Variants in CCDC7 observed in about 807,000 individuals in gnomAD.
The protein encoded by CCDC7 is coiled-coil domain containing 7.
In CCDC7, 183 loss-of-function variants were observed where a neutral mutation model predicts 196.9. The observed-to-expected ratio is 0.93, with a 90% CI of 0.82 to 1.05. The LOEUF (loss-of-function observed/expected upper bound fraction) is 1.05, where lower values mean the gene tolerates loss of function less well. CCDC7 is among the 50% of genes least tolerant of loss of function. The pLI is 0.00. For missense variants in CCDC7, 1,540 were observed against 1,482.2 expected, an observed-to-expected ratio of 1.04 and a Z score of -0.64; for synonymous variants, 525 against 484.6, an observed-to-expected ratio of 1.08 and a Z score of -1.10.
intron 8 of CCDC7, among the ~76,000 whole-genome samples, chr10:32,487,548 G>C (rs537091324): frequency 4.1e-4 from 62 of 152,326 alleles, no homozygotes; most frequent in African/African-American, 1.5e-3. Context: ...TCCTTTGGAG[G>C]AGGAGAGGCA....
chr10:32,769,779 G>T (rs2078890637), intron 28 of CCDC7, among the ~76,000 whole-genome samples: 1 of 152,088 alleles, frequency 6.6e-6, no homozygotes, highest in Non-Finnish European at 1.5e-5. Flanking sequence ...GTGGTTTCCA[G>T]CTTTATCCAT....
At chr10:32,525,250 AAAAAG>A (rs1201811248) in intron 11 of CCDC7, among the ~76,000 whole-genome samples, 1 of 152,164 alleles carries the variant, frequency 6.6e-6, no homozygotes, top group African/African-American at 2.4e-5. Flanking sequence ...ATAATAAAAA[AAAAAG>A]AAAAGAAAAA....
chr10:32,861,115 C>A (rs1421661138), intron 41 of CCDC7, among the ~76,000 whole-genome samples: 97 of 97,036 alleles, frequency 1.0e-3, no homozygotes, highest in East Asian at 1.8e-3. Flanking sequence ...CAATCATAAG[C>A]AAAAAAAAAA....
intron 24 of CCDC7, among the ~76,000 whole-genome samples, chr10:32,697,758 A>G (rs2077968311): frequency 6.6e-6 from 1 of 152,226 alleles, no homozygotes; most frequent in Non-Finnish European, 1.5e-5. Flanking sequence ...GCATAGCTGA[A>G]CAAAAGGCAG....
chr10:32,574,596 A>G, intron 16 of CCDC7: 1 of 793,716 alleles, frequency 1.3e-6, no homozygotes. Flanking sequence ...TTAGGGAATG[A>G]GTTAGTGGTA....
At chr10:32,855,334 AG>A (rs2093709477) in intron 41 of CCDC7, among the ~76,000 whole-genome samples, 2 of 152,124 alleles carry the variant, frequency 1.3e-5, no homozygotes, top group African/African-American at 4.8e-5. Flanking sequence ...AGGATGATTC[AG>A]GCGCATTACA....
intron 11 of CCDC7, among the ~76,000 whole-genome samples, chr10:32,542,859 A>T (rs1433109277): frequency 6.6e-6 from 1 of 152,106 alleles, no homozygotes; most frequent in Non-Finnish European, 1.5e-5. Flanking sequence ...CATGGTATTT[A>T]TGTATTCTTA....
intron 29 of CCDC7, among the ~76,000 whole-genome samples, chr10:32,791,367 C>G (rs968730788): frequency 1.3e-5 from 2 of 151,894 alleles, no homozygotes; most frequent in Non-Finnish European, 2.9e-5. Flanking sequence ...TAAAGGAACA[C>G]AGTAACTGAC....
intron 20 of CCDC7, among the ~76,000 whole-genome samples, chr10:32,649,854 C>G (rs2068424668): frequency 6.6e-6 from 1 of 152,190 alleles, no homozygotes; most frequent in Non-Finnish European, 1.5e-5. Flanking sequence ...AGCTTTTCAG[C>G]TCAGGAAGTT....
At chr10:32,492,184 T>G (rs552274341) in intron 9 of CCDC7, among the ~76,000 whole-genome samples, 187 bp downstream of exon 10, 15 of 152,288 alleles carry the variant, frequency 9.8e-5, no homozygotes, top group African/African-American at 3.4e-4. Flanking sequence ...ATATCAATTT[T>G]TATGATTTTA....
rs1023818946 is a variant in CCDC7 at position 32,840,500 on chromosome 10, A to G, written c.3353-4743A>G. 3.3e-5 allele frequency among the ~76,000 whole-genome samples: 5 copies of G among 151,962 alleles called. No individual in the cohort carries two copies. The East Asian group carries it at 5.8e-4, about 18-fold the overall frequency. ...ACCAATAACAAGCAGCAAGATTGAAATGGTAATTTAAAAATTGCCAACAAC... is the reference window on the plus strand; with the variant it reads ...ACCAATAACAAGCAGCAAGATTGAAGTGGTAATTTAAAAATTGCCAACAAC... On this transcript the variant is annotated intron_variant, in intron 33 of 41. Transcript: ENST00000639629.
chr10:32,479,474 A>C (rs1285927472), intron 8 of CCDC7, among the ~76,000 whole-genome samples: 1 of 152,048 alleles, frequency 6.6e-6, no homozygotes, highest in Non-Finnish European at 1.5e-5. Context: ...CTATCATATG[A>C]TTTTTGTATT....
chr10:32,813,874 A>G (rs1434193408), intron 30 of CCDC7, among the ~76,000 whole-genome samples: 3 of 152,220 alleles, frequency 2.0e-5, no homozygotes, highest in Non-Finnish European at 4.4e-5. Flanking sequence ...ATAATTGTTA[A>G]CATCCTTTCC....
intron 25 of CCDC7, among the ~76,000 whole-genome samples, chr10:32,718,761 C>T (rs112008118): frequency 3.3e-5 from 5 of 152,226 alleles, no homozygotes; most frequent in African/African-American, 1.2e-4. Context: ...CATGAGTGAA[C>T]TCCCATTCAC....
intron 11 of CCDC7, among the ~76,000 whole-genome samples, chr10:32,538,759 A>G (rs2050916860): frequency 6.6e-6 from 1 of 151,950 alleles, no homozygotes; most frequent in Non-Finnish European, 1.5e-5. Flanking sequence ...TTTGGTTTTT[A>G]GTTTTATTTA....
chr10:32,621,427 C>T (rs568295369), intron 18 of CCDC7, among the ~76,000 whole-genome samples: 1 of 152,160 alleles, frequency 6.6e-6, no homozygotes, highest in Non-Finnish European at 1.5e-5. Context: ...ATTAGTCAGG[C>T]TTTCCCCCAG....
intron 18 of CCDC7, among the ~76,000 whole-genome samples, chr10:32,608,459 C>T (rs916465479): frequency 1.3e-5 from 2 of 151,976 alleles, no homozygotes; most frequent in African/African-American, 4.8e-5. Context: ...CCTCTTAGTA[C>T]TGCTTTTGTT....
At chr10:32,529,998 AT>A (rs1237262006) in intron 11 of CCDC7, among the ~76,000 whole-genome samples, 2 of 152,140 alleles carry the variant, frequency 1.3e-5, no homozygotes, top group African/African-American at 4.8e-5. Context: ...AGGCTTGCCA[AT>A]TATCCCAGCA....
At chr10:32,524,382 G>A (rs986895759) in intron 11 of CCDC7, among the ~76,000 whole-genome samples, 8 of 152,076 alleles carry the variant, frequency 5.3e-5, no homozygotes, top group African/African-American at 1.9e-4. Flanking sequence ...TTATCACTGA[G>A]TCTTTTTATT....
Sources: gnomAD v4.1 joint callset for allele counts (sites outside exome capture counted in the v4.1 genomes callset) on GRCh38, gnomAD v4.1.1 for gene constraint, MANE v1.5 for transcripts, NCBI Gene and HGNC (gene_info 2026-07-23, HGNC 2026-07-21) for gene names.